MAPKAP1: variants seen among roughly 807,000 people sequenced by gnomAD.
The protein encoded by MAPKAP1 is target of rapamycin complex 2 subunit MAPKAP1.
Under a neutral mutation model 65.7 loss-of-function variants are expected in MAPKAP1, and 20 were observed. The ratio of observed to expected loss-of-function variants is 0.30; its 90% CI spans 0.21 to 0.44. The LOEUF is 0.44. Ranked by LOEUF, MAPKAP1 falls within the 20% of genes least tolerant of loss-of-function variation. The probability of loss-of-function intolerance (pLI) is 1.00; values close to 1 mark genes in which losing one functional copy is unlikely to be tolerated. For synonymous variants in MAPKAP1, 222 were observed against 244.3 expected (o/e 0.91, Z 0.85); for missense variants, 423 against 648.0 (o/e 0.65, Z 3.77).
chr9:125,547,656 G>C (rs1214008863), intron 6 of MAPKAP1, among the ~76,000 whole-genome samples: 1 of 152,112 alleles, frequency 6.6e-6, no homozygotes, highest in Non-Finnish European at 1.5e-5. Context: ...ACTGCTTATC[G>C]GGGGGTGGGA....
chr9:125,632,065 C>CA (rs1379400990), intron 4 of MAPKAP1, among the ~76,000 whole-genome samples: 2 of 151,690 alleles, frequency 1.3e-5, no homozygotes, highest in Non-Finnish European at 2.9e-5. Flanking sequence ...ACTAAAAATA[C>CA]AAAAAAATTA....
At chr9:125,610,241 T>C (rs1832559536) in intron 4 of MAPKAP1, among the ~76,000 whole-genome samples, 1 of 152,232 alleles carries the variant, frequency 6.6e-6, no homozygotes, top group Admixed American at 6.5e-5. Context: ...TACAACACAC[T>C]AAAAACTATT....
intron 4 of MAPKAP1, among the ~76,000 whole-genome samples, chr9:125,649,773 C>T (rs1345762251): frequency 6.9e-6 from 1 of 145,584 alleles, no homozygotes; most frequent in Non-Finnish European, 1.5e-5. Flanking sequence ...AAAACAGCTG[C>T]CAATGGGTGA....
At chr9:125,592,197 AG>A (rs1369789711) in intron 4 of MAPKAP1, among the ~76,000 whole-genome samples, 2 of 152,320 alleles carry the variant, frequency 1.3e-5, no homozygotes, top group Admixed American at 6.5e-5. Context: ...AGTTTTAAGA[AG>A]GGGAAAGTCC....
At chr9:125,615,400 T>C (rs1832716319) in intron 4 of MAPKAP1, among the ~76,000 whole-genome samples, 3 of 151,978 alleles carry the variant, frequency 2.0e-5, no homozygotes, top group Admixed American at 1.3e-4. Context: ...TAAAAATGTA[T>C]ATATGGAAGG....
Position 125,543,056 on chromosome 9 carries a change from C to CA in MAPKAP1, c.958+2dup. The CA allele has an allele frequency of 1.3e-6, 2 of 1,590,212 alleles. No individual in the cohort carries two copies. The highest frequency in any genetic ancestry group is 2.7e-5 in the African/African-American group (2 of 74,546). On this transcript the variant is annotated splice_region_variant and intron_variant, in intron 7 of 11. Transcript: ENST00000265960. Reference sequence around the variant, plus strand: ...CTGTGAGAATATGATTTAACTATCCCACCTGAAACTTTCTGGGATCCTTTT... The same window carrying CA: ...CTGTGAGAATATGATTTAACTATCCCAACCTGAAACTTTCTGGGATCCTTTT...
chr9:125,512,234 A>G (rs1450138740), intron 7 of MAPKAP1, among the ~76,000 whole-genome samples: 1 of 152,240 alleles, frequency 6.6e-6, no homozygotes, highest in Non-Finnish European at 1.5e-5. Flanking sequence ...CCAAAGTCCG[A>G]AGAGAGGGAA....
intron 3 of MAPKAP1, among the ~76,000 whole-genome samples, chr9:125,668,910 G>GC (rs1564609997): frequency 6.6e-6 from 1 of 151,486 alleles, no homozygotes; most frequent in African/African-American, 2.4e-5. Context: ...GGGGCTGGGC[G>GC]CAGTGGCTCA....
At chr9:125,620,786 A>G (rs1430296026) in intron 4 of MAPKAP1, among the ~76,000 whole-genome samples, 4 of 152,194 alleles carry the variant, frequency 2.6e-5, no homozygotes, top group African/African-American at 9.7e-5. Flanking sequence ...CATGTTGTGT[A>G]AAAGGGGAGA....
intron 10 of MAPKAP1, among the ~76,000 whole-genome samples, chr9:125,452,203 A>G (rs1280648942): frequency 6.6e-6 from 1 of 151,278 alleles, no homozygotes; most frequent in Admixed American, 6.6e-5. Context: ...AGTTTGAGTG[A>G]TCCTCCCACC....
At chr9:125,578,138 C>T (rs1005605906) in intron 5 of MAPKAP1, among the ~76,000 whole-genome samples, 7 of 152,130 alleles carry the variant, frequency 4.6e-5, no homozygotes, top group Admixed American at 3.9e-4. Context: ...TTACCCCCAA[C>T]CCGGTGCTCT....
intron 4 of MAPKAP1, among the ~76,000 whole-genome samples, chr9:125,592,902 C>CA (rs35339033): frequency 0.46 from 32,566 of 70,730 alleles, 7,307 homozygotes; most frequent in Non-Finnish European, 0.55. Flanking sequence ...GACTCCGTCT[C>CA]AAAAAAAAAA....
chr9:125,539,479 A>T (rs1482259677), intron 7 of MAPKAP1, among the ~76,000 whole-genome samples: 1 of 152,194 alleles, frequency 6.6e-6, no homozygotes, highest in Non-Finnish European at 1.5e-5. Context: ...AATGTTAAAC[A>T]TTGAAATTGA....
chr9:125,644,489 C>T (rs534785927), intron 4 of MAPKAP1, among the ~76,000 whole-genome samples: 2 of 152,332 alleles, frequency 1.3e-5, no homozygotes, highest in South Asian at 4.1e-4. Flanking sequence ...GAATTATTAG[C>T]ACCATTAATG....
chr9:125,522,638 TGG>T (rs1283736472), intron 7 of MAPKAP1, among the ~76,000 whole-genome samples: 1 of 152,252 alleles, frequency 6.6e-6, no homozygotes, highest in Non-Finnish European at 1.5e-5. Context: ...AACCTTCTTC[TGG>T]CCTCCAGCCA....
intron 5 of MAPKAP1, among the ~76,000 whole-genome samples, chr9:125,570,190 T>A (rs1367520395): frequency 6.6e-6 from 1 of 151,978 alleles, no homozygotes; most frequent in Non-Finnish European, 1.5e-5. Flanking sequence ...GTATGGTAAA[T>A]TCTTGTCCTA....
At chr9:125,680,005 T>C (rs1834773724) in intron 1 of MAPKAP1, among the ~76,000 whole-genome samples, 1 of 152,198 alleles carries the variant, frequency 6.6e-6, no homozygotes, top group Non-Finnish European at 1.5e-5. Context: ...GGTTAGTTAA[T>C]TTACCTCCCA....
chr9:125,698,872 G>A (rs1835512864), intron 1 of MAPKAP1, among the ~76,000 whole-genome samples: 1 of 152,028 alleles, frequency 6.6e-6, no homozygotes, highest in Admixed American at 6.5e-5. Flanking sequence ...CAGTATGTAG[G>A]TGCACTAATT....
intron 8 of MAPKAP1, among the ~76,000 whole-genome samples, chr9:125,501,570 T>C (rs1257121108): frequency 2.0e-5 from 3 of 152,128 alleles, no homozygotes; most frequent in Non-Finnish European, 4.4e-5. Context: ...TCTGCAACAG[T>C]GGATATAGGA....
Sources: allele counts gnomAD v4.1 joint callset (sites outside exome capture counted in the v4.1 genomes callset), GRCh38; gene constraint gnomAD v4.1.1; transcripts MANE v1.5; gene names NCBI Gene and HGNC (gene_info 2026-07-23, HGNC 2026-07-21).